Variants in SEPTIN3 observed in about 807,000 individuals in gnomAD.
SEPTIN3 encodes neuronal-specific septin-3.
Under a neutral mutation model 45.1 loss-of-function variants are expected in SEPTIN3, and 15 were observed. That is an observed-to-expected ratio of 0.33 (90% CI 0.22 to 0.51). SEPTIN3 has a LOEUF of 0.51. Ranked by LOEUF, SEPTIN3 falls within the 20% of genes least tolerant of loss-of-function variation. SEPTIN3 has a pLI of 0.97. For synonymous variants in SEPTIN3, 148 were observed against 164.8 expected, an observed-to-expected ratio of 0.90 and a Z score of 0.78; for missense variants, 289 against 457.2, an observed-to-expected ratio of 0.63 and a Z score of 3.35.
chr22:41,994,873 A>C lies in SEPTIN3; in HGVS notation c.2505+159A>C, dbSNP rs968661708. 5 of 1,518,460 alleles carry C rather than the reference A, an allele frequency of 3.3e-6. No individual in the cohort carries two copies. The African/African-American group carries it at 7.3e-5, about 22-fold the overall frequency. The allele number at this position is 1,518,460 out of a possible 1,614,324, so 94.1% of individuals were successfully genotyped here. On this transcript the variant is annotated intron_variant, in intron 11 of 11. Transcript: ENST00000644076. This position sits in a 1 kb window ranked among gnomAD's most constrained non-coding sequence, Gnocchi z 4.2. ...CCACAGGCCTGTCTGGTATTTGTGG[A>C]GCATCTTGTCTGTGTGTGTGTGTGT...
intron 2 of SEPTIN3, 93 bp downstream of exon 2, chr22:41,973,089 A>G: frequency 2.5e-6 from 1 of 397,954 alleles, no homozygotes; most frequent in Non-Finnish European, 4.4e-6. Context: ...TGGGTTGAGA[A>G]ACGGAGGAAG....
intron 6 of SEPTIN3, among the ~76,000 whole-genome samples, 172 bp from the exon 7 acceptor site, chr22:41,989,395 C>T (rs117582565): frequency 0.017 from 2,600 of 152,226 alleles, 30 homozygotes; most frequent in Non-Finnish European, 0.024. Context: ...TGAGGCTGCT[C>T]TACAGACGGC....
In SEPTIN3 at chr22:41,997,088, G is replaced by T; in HGVS notation, c.*121G>T. 6.5e-7 allele frequency: 1 copy of T among 1,550,108 alleles called. No homozygotes were observed. On this transcript the variant is annotated 3_prime_UTR_variant, in exon 12 of 12. Coordinates refer to ENST00000644076, the MANE Select transcript of SEPTIN3 (RefSeq NM_001363845.2). ...CCACAGCCCCTCTCAGCCCTCAGTAGGTGGGAGGGGCCAGCTGCCTCTTTA... is the reference window on the plus strand; with the variant it reads ...CCACAGCCCCTCTCAGCCCTCAGTATGTGGGAGGGGCCAGCTGCCTCTTTA...
At position 41,984,460 on chromosome 22, in the gene SEPTIN3, G is replaced by C. The variant is rs150638247; in HGVS notation, c.1697-1524G>C. 4.1e-3 allele frequency among the ~76,000 whole-genome samples: 631 copies of C among 152,314 alleles called. 4 individuals carry two copies. The highest frequency in any genetic ancestry group is 0.014 in the African/African-American group (570 of 41,576). ...TTCCTACTAGTGTCCGGGCAATGCC[G>C]AGGCTGCTTGTCAATTGCAAGTCTT... On this transcript the variant is annotated intron_variant, in intron 3 of 11. Transcript: ENST00000644076.
In SEPTIN3 at chr22:41,994,657, C is replaced by T. The variant is rs2078393636; in HGVS notation, c.2448C>T (p.Asn816=). ...AGGACCTCAAGGAAGTGACACACAA[C>T]ATCCACTATGAGACTTACAGGGCCA... ...HLQDLKEVTH[N]IHYETYRAKR... is the part of the protein sequence containing the mutation. The change falls in exon 11 of 12, where the codon AAC becomes AAT. Residue 816 remains asparagine, a synonymous_variant. Coordinates refer to ENST00000644076, the MANE Select transcript of SEPTIN3 (RefSeq NM_001363845.2). The surrounding 1 kb of genome is among the most constrained non-coding windows in gnomAD (Gnocchi z 4.2). The T allele has an allele frequency of 6.2e-7, 1 of 1,614,176 alleles. No individual in the cohort carries two copies. The highest frequency in any genetic ancestry group is 8.5e-7 in the Non-Finnish European group (1 of 1,180,030).
At chr22:41,973,503 CAAA>C (rs144943770) in intron 2 of SEPTIN3, among the ~76,000 whole-genome samples, 35,779 of 121,646 alleles carry the variant, frequency 0.29, 5,245 homozygotes, top group Admixed American at 0.36. Context: ...ACTAAAAGTA[CAAA>C]AAAAAAAAAA....
Position 41,992,747 on chromosome 22 carries a change from A to G in SEPTIN3, c.2343A>G (p.Pro781=). The change falls in exon 9 of 12, where the codon CCA becomes CCG. Residue 781 remains proline, a synonymous_variant. Transcript: ENST00000644076. Reference sequence around the variant, plus strand: ...AGAGGGTCCTCGGCCGAAAAACTCCATGGGGGATCATCGAAGGTAATTCAC... The same window carrying G: ...AGAGGGTCCTCGGCCGAAAAACTCCGTGGGGGATCATCGAAGGTAATTCAC... ...NGKRVLGRKT[P]WGIIEVENLN... The G allele has an allele frequency of 1.9e-6, 3 of 1,609,230 alleles. No homozygotes were observed. The highest frequency in any genetic ancestry group is 2.5e-6 in the Non-Finnish European group (3 of 1,177,160).
At position 41,996,929 on chromosome 22, in the gene SEPTIN3, C is replaced by G; in HGVS notation, c.2533C>G (p.Pro845Ala). 3.1e-6 allele frequency: 5 copies of G among 1,614,112 alleles called. No homozygotes were observed. Among genetic ancestry groups the G allele is most frequent in the Non-Finnish European group, 4.2e-6 (5 of 1,179,960 alleles). Residue 845 changes from proline (P) to alanine (A), a missense_variant, in exon 12 of 12, where the codon CCA (proline) becomes GCA (alanine). Physicochemically the swap from Pro to Ala is conservative, Grantham distance 27. Around this residue, in one of 3 missense-constraint regions of SEPTIN3, gnomAD observed 84 missense variants for 114.7 expected, o/e 0.73. Transcript: ENST00000644076. ...PGEGLLGTVL[P>A]PVPATPCPTA... ...AGAAGGCCTCCTGGGCACTGTCCTT[C>G]CACCTGTGCCAGCCACCCCCTGCCC...
At chr22:41,987,338 A>T in intron 5 of SEPTIN3, 51 bp downstream of exon 5, 1 of 1,489,714 alleles carries the variant, frequency 6.7e-7, no homozygotes, top group Non-Finnish European at 9.3e-7. Context: ...CTGGGAAGAT[A>T]CTTACTATGG....
At chr22:41,989,716 C>G in intron 7 of SEPTIN3, 32 bp downstream of exon 7, 4 of 1,368,204 alleles carry the variant, frequency 2.9e-6, no homozygotes, top group Non-Finnish European at 4.2e-6. Context: ...TTTTCCTGTT[C>G]CCATCCCCTC....
At chr22:41,990,495 C>T (rs953281006) in intron 7 of SEPTIN3, among the ~76,000 whole-genome samples, 2 of 151,362 alleles carry the variant, frequency 1.3e-5, no homozygotes, top group Non-Finnish European at 2.9e-5. Flanking sequence ...CCTGTAATCC[C>T]AGCACTTTGG....
intron 4 of SEPTIN3, 90 bp from the exon 5 acceptor site, chr22:41,987,116 A>C: frequency 2.1e-6 from 2 of 938,370 alleles, no homozygotes; most frequent in South Asian, 3.5e-5. Flanking sequence ...CCTGAAGACA[A>C]GGCCTGGGTC....
rs748389342 is a variant in SEPTIN3 at position 41,987,302 on chromosome 22, C to T, written c.1907+15C>T. The stretch of plus-strand genomic sequence containing the variant: ...AATGAAAACTGGTATCTGTCTGCCT[C>T]TGAGATCTTTGCCCTAAAGACTCTG... On this transcript the variant is annotated intron_variant, in intron 5 of 11. Coordinates refer to ENST00000644076, the MANE Select transcript of SEPTIN3 (RefSeq NM_001363845.2). 4.4e-6 allele frequency: 7 copies of T among 1,604,370 alleles called. No homozygotes were observed. Among genetic ancestry groups the T allele is most frequent in the African/African-American group, 1.3e-5 (1 of 74,520 alleles).
In SEPTIN3 at chr22:41,994,768, C is replaced by G; in HGVS notation, c.2505+54C>G. On this transcript the variant is annotated intron_variant, in intron 11 of 11. Transcript: ENST00000644076. The surrounding 1 kb of genome is among the most constrained non-coding windows in gnomAD (Gnocchi z 4.2). The stretch of plus-strand genomic sequence containing the variant: ...ACAGTAACCCATGACGACCACTTCT[C>G]TGTGTCATCACACATACCCACTTCA... The G allele has an allele frequency of 6.2e-7, 1 of 1,613,886 alleles. No individual in the cohort carries two copies.
intron 1 of SEPTIN3, among the ~76,000 whole-genome samples, chr22:41,971,003 T>C (rs889156583): frequency 1.3e-5 from 2 of 152,162 alleles, no homozygotes; most frequent in African/African-American, 2.4e-5. Context: ...AGCTCCTATG[T>C]TGGCTGCTGT....
At position 41,992,730 on chromosome 22, in the gene SEPTIN3, C is replaced by G; in HGVS notation, c.2326C>G (p.Leu776Val). Reference protein sequence around the residue: ...KEYQVNGKRVLGRKTPWGIIE... With the variant: ...KEYQVNGKRVVGRKTPWGIIE... ...GTACCAAGTGAATGGCAAGAGGGTC[C>G]TCGGCCGAAAAACTCCATGGGGGAT... The change falls in exon 9 of 12, where the codon CTC (leucine) becomes GTC (valine). Residue 776 changes from leucine to valine, a missense_variant. Around this residue, in one of 3 missense-constraint regions of SEPTIN3, gnomAD observed 84 missense variants for 114.7 expected, o/e 0.73. Coordinates refer to ENST00000644076, the MANE Select transcript of SEPTIN3 (RefSeq NM_001363845.2). 1 of 1,612,238 alleles carries G rather than the reference C, an allele frequency of 6.2e-7. No individual in the cohort carries two copies. The highest frequency in any genetic ancestry group is 1.7e-5 in the Admixed American group (1 of 59,754).
rs1160025559 is a variant in SEPTIN3 at position 41,971,552 on chromosome 22, G to A, written c.60G>A (p.Pro20=). The A allele has an allele frequency of 3.8e-5, 15 of 399,016 alleles. No homozygotes were observed. The highest frequency in any genetic ancestry group is 3.1e-4 in the Admixed American group (7 of 22,708). 24.7% of individuals were successfully genotyped at this position (399,016 alleles called of 1,614,324 possible). Residue 20 remains proline (P), a synonymous_variant, in exon 2 of 12, where the codon CCG becomes CCA. Coordinates refer to ENST00000644076, the MANE Select transcript of SEPTIN3 (RefSeq NM_001363845.2). ...PEMQSHGAPG[P]GTSFSHSHVL... is the part of the protein sequence containing the mutation. ...TGCAGTCGCATGGAGCTCCAGGCCCGGGAACCTCCTTCTCCCATAGCCATG... is the reference window on the plus strand; with the variant it reads ...TGCAGTCGCATGGAGCTCCAGGCCCAGGAACCTCCTTCTCCCATAGCCATG...
At chr22:41,974,447 G>A (rs906173975) in intron 2 of SEPTIN3, among the ~76,000 whole-genome samples, 16 of 151,964 alleles carry the variant, frequency 1.1e-4, no homozygotes, top group African/African-American at 3.4e-4. Flanking sequence ...GGTGGATCAC[G>A]AGGTCAGGAG....
chr22:41,996,255 A>C lies in SEPTIN3; in HGVS notation c.2506-647A>C. On this transcript the variant is annotated intron_variant, in intron 11 of 11. Transcript: ENST00000644076. ...CATATATTTCCCCTGCTTGTTGTAC[A>C]AGTAAGTTACTCTTTTCCTTTAATC... 9 of 985,322 alleles carry C rather than the reference A, an allele frequency of 9.1e-6. No homozygotes were observed. The South Asian group carries it at 3.8e-4, about 41-fold the overall frequency. 61.0% of individuals were successfully genotyped at this position (985,322 alleles called of 1,614,324 possible).
Sources: gnomAD v4.1 joint callset for allele counts (sites outside exome capture counted in the v4.1 genomes callset) on GRCh38, gnomAD v4.1.1 for gene constraint, gnomAD v4.1.1 regional missense constraint, Gnocchi (gnomAD v3.1) non-coding constraint, MANE v1.5 for transcripts, NCBI Gene and HGNC (gene_info 2026-07-23, HGNC 2026-07-21) for gene names.